KSR2: variants seen among roughly 807,000 people sequenced by gnomAD.
The protein encoded by KSR2 is kinase suppressor of ras 2.
KSR2 carries 25 observed loss-of-function variants against 107.8 expected under a neutral mutation model. The observed-to-expected ratio is 0.23, with a 90% CI of 0.17 to 0.32. The LOEUF (loss-of-function observed/expected upper bound fraction) is 0.32. Ranked by LOEUF, KSR2 falls within the 10% of genes least tolerant of loss-of-function variation. The pLI, the probability that KSR2 is intolerant of heterozygous loss-of-function variation, is 1.00. For synonymous variants in KSR2, 480 were observed against 507.0 expected (o/e 0.95, Z 0.71); for missense variants, 887 against 1,268.9 (o/e 0.70, Z 4.57).
At chr12:117,791,828 A>G (rs1890261896) in intron 3 of KSR2, among the ~76,000 whole-genome samples, 1 of 152,220 alleles carries the variant, frequency 6.6e-6, no homozygotes, top group South Asian at 2.1e-4. Context: ...TGCAACCGAT[A>G]TCAACATTTT....
intron 1 of KSR2, among the ~76,000 whole-genome samples, chr12:117,962,900 C>T (rs1448724371): frequency 6.6e-6 from 1 of 151,794 alleles, no homozygotes; most frequent in African/African-American, 2.4e-5. Context: ...AACTGCCCCA[C>T]CAGGCCCGGC....
Position 117,968,445 on chromosome 12 carries a change from T to G in KSR2, c.-190A>C. On this transcript the variant is annotated 5_prime_UTR_variant, in exon 1 of 20. Transcript: ENST00000339824. ...GGGAGGAGGGGACAAGAGCCAAAAT[T>G]TATTATTTTATTTTGGGATATCAAG... 2 of 1,325,162 alleles carry G rather than the reference T, an allele frequency of 1.5e-6. No homozygotes were observed. The highest frequency in any genetic ancestry group is 1.9e-6 in the Non-Finnish European group (2 of 1,045,252). The allele number at this position is 1,325,162 out of a possible 1,614,324, so 82.1% of individuals were successfully genotyped here.
chr12:117,820,282 G>T (rs1353693565), intron 3 of KSR2, among the ~76,000 whole-genome samples: 3 of 152,116 alleles, frequency 2.0e-5, no homozygotes, highest in Non-Finnish European at 4.4e-5. Flanking sequence ...CCAGATAAAG[G>T]TTTGGGGGCA....
At chr12:117,497,453 T>C (rs894647073) in intron 14 of KSR2, among the ~76,000 whole-genome samples, 1 of 152,162 alleles carries the variant, frequency 6.6e-6, no homozygotes, top group Non-Finnish European at 1.5e-5. Flanking sequence ...TGACAACTTC[T>C]AGCATAATAC....
chr12:117,928,093 CT>C (rs759238347), intron 1 of KSR2, among the ~76,000 whole-genome samples: 1 of 151,834 alleles, frequency 6.6e-6, no homozygotes, highest in Non-Finnish European at 1.5e-5. Flanking sequence ...AGTATTTGTC[CT>C]TTTGGATCTG....
chr12:117,690,454 A>G (rs1885767055), intron 4 of KSR2, among the ~76,000 whole-genome samples: 1 of 152,064 alleles, frequency 6.6e-6, no homozygotes, highest in African/African-American at 2.4e-5. Flanking sequence ...AATCCCAGCT[A>G]CTTAGGAGGC....
At chr12:117,549,074 C>A (rs527360212) in intron 9 of KSR2, among the ~76,000 whole-genome samples, 1 of 152,186 alleles carries the variant, frequency 6.6e-6, no homozygotes, top group Non-Finnish European at 1.5e-5. Context: ...CCACGCAAGA[C>A]CACCTTGAAG....
At chr12:117,469,185 C>G (rs968253352) in intron 19 of KSR2, among the ~76,000 whole-genome samples, 3 of 152,206 alleles carry the variant, frequency 2.0e-5, no homozygotes, top group African/African-American at 7.2e-5. Flanking sequence ...AGCAGAGATA[C>G]TTCTGGTGAG....
chr12:117,518,280 T>C (rs989024723), intron 14 of KSR2, among the ~76,000 whole-genome samples: 12 of 152,246 alleles, frequency 7.9e-5, no homozygotes, highest in Admixed American at 4.6e-4. Flanking sequence ...GGAAATCCAG[T>C]TCTTCCTTCC....
chr12:117,768,384 G>A (rs564832284), intron 3 of KSR2, among the ~76,000 whole-genome samples: 3 of 152,332 alleles, frequency 2.0e-5, no homozygotes, highest in Non-Finnish European at 2.9e-5. Flanking sequence ...TCCTTCTGGA[G>A]CCCAGTGTGC....
At chr12:117,726,532 T>C (rs781202958) in intron 4 of KSR2, among the ~76,000 whole-genome samples, 9 of 152,220 alleles carry the variant, frequency 5.9e-5, no homozygotes, top group African/African-American at 1.2e-4. Flanking sequence ...TCAGCATCCT[T>C]GGTCTCTCCC....
intron 1 of KSR2, among the ~76,000 whole-genome samples, chr12:117,876,232 G>A (rs933113439): frequency 5.3e-5 from 8 of 152,218 alleles, no homozygotes; most frequent in African/African-American, 1.9e-4. Context: ...AGCTGACGGG[G>A]GAGAGAATTA....
chr12:117,568,521 G>C (rs1282266547), intron 7 of KSR2, among the ~76,000 whole-genome samples: 2 of 152,100 alleles, frequency 1.3e-5, no homozygotes, highest in Admixed American at 1.3e-4. Context: ...CGATCAGTGG[G>C]TTTGAGTAAC....
intron 3 of KSR2, among the ~76,000 whole-genome samples, chr12:117,834,030 A>C (rs924402857): frequency 6.6e-6 from 1 of 151,680 alleles, no homozygotes; most frequent in Non-Finnish European, 1.5e-5. Flanking sequence ...AGTTCCAACT[A>C]CTCTGGGGGC....
chr12:117,558,237 G>C (rs1306893991), intron 8 of KSR2, among the ~76,000 whole-genome samples: 2 of 152,232 alleles, frequency 1.3e-5, no homozygotes, highest in Non-Finnish European at 2.9e-5. Flanking sequence ...AGAGGAGACA[G>C]GATGAGAGAG....
At chr12:117,635,779 C>T (rs955183749) in intron 5 of KSR2, among the ~76,000 whole-genome samples, 1 of 150,964 alleles carries the variant, frequency 6.6e-6, no homozygotes, top group Non-Finnish European at 1.5e-5. Context: ...ACAAAGAAAC[C>T]ACATTGGTAT....
chr12:117,872,395 T>C (rs1418295400), intron 1 of KSR2, among the ~76,000 whole-genome samples: 1 of 151,902 alleles, frequency 6.6e-6, no homozygotes, highest in African/African-American at 2.4e-5. Context: ...AAGACCCCCA[T>C]CTCCACCAAA....
intron 3 of KSR2, among the ~76,000 whole-genome samples, chr12:117,781,466 G>A (rs1297988129): frequency 2.0e-5 from 3 of 152,150 alleles, no homozygotes; most frequent in Admixed American, 1.3e-4. Context: ...AGAGGGAAGG[G>A]GGAAAGTGAG....
chr12:117,505,318 T>C (rs184942856), intron 14 of KSR2, among the ~76,000 whole-genome samples: 1 of 152,168 alleles, frequency 6.6e-6, no homozygotes, highest in African/African-American at 2.4e-5. Flanking sequence ...CCATTTTCCA[T>C]CAAGGAAATG....
Sources: gnomAD v4.1 joint callset for allele counts (sites outside exome capture counted in the v4.1 genomes callset) on GRCh38, gnomAD v4.1.1 for gene constraint, MANE v1.5 for transcripts, NCBI Gene and HGNC (gene_info 2026-07-23, HGNC 2026-07-21) for gene names.